Variants in CNTN5 observed in about 807,000 individuals in gnomAD.
CNTN5 encodes contactin 5.
In CNTN5, 77 loss-of-function variants were observed where a neutral mutation model predicts 129.1. That is an observed-to-expected ratio of 0.60 (90% CI 0.50 to 0.72). The LOEUF is 0.72. Ranked by LOEUF, CNTN5 falls within the 30% of genes least tolerant of loss-of-function variation. The probability of loss-of-function intolerance (pLI) is 0.00; values close to 1 mark genes in which losing one functional copy is unlikely to be tolerated. For missense variants in CNTN5, 1,478 were observed against 1,328.8 expected (o/e 1.11, Z -1.75); for synonymous variants, 509 against 465.6 (o/e 1.09, Z -1.20).
At chr11:100,111,918 A>G (rs762735038) in intron 13 of CNTN5, among the ~76,000 whole-genome samples, 1 of 152,158 alleles carries the variant, frequency 6.6e-6, no homozygotes, top group Non-Finnish European at 1.5e-5. Context: ...TGAATTTAGT[A>G]GTTTCTTAAC....
At chr11:99,767,561 A>G (rs1944796073) in intron 3 of CNTN5, among the ~76,000 whole-genome samples, 1 of 151,966 alleles carries the variant, frequency 6.6e-6, no homozygotes, top group Non-Finnish European at 1.5e-5. Flanking sequence ...TTGATATGCA[A>G]ATAAGATTTT....
At chr11:99,878,486 A>G (rs1411428552) in intron 6 of CNTN5, among the ~76,000 whole-genome samples, 1 of 152,220 alleles carries the variant, frequency 6.6e-6, no homozygotes, top group South Asian at 2.1e-4. Context: ...CACATTGTAA[A>G]AAAAACTACA....
chr11:100,163,028 T>C (rs1947508876), intron 13 of CNTN5, among the ~76,000 whole-genome samples: 1 of 151,816 alleles, frequency 6.6e-6, no homozygotes. Context: ...CCTACAGCCT[T>C]AGAAATGTGT....
At chr11:99,535,962 C>T (rs1346021622) in intron 2 of CNTN5, among the ~76,000 whole-genome samples, 1 of 152,056 alleles carries the variant, frequency 6.6e-6, no homozygotes, top group South Asian at 2.1e-4. Flanking sequence ...GAATATTGAT[C>T]GTTGGTGGGT....
intron 3 of CNTN5, among the ~76,000 whole-genome samples, chr11:99,702,155 G>A (rs1375584288): frequency 6.6e-6 from 1 of 151,026 alleles, no homozygotes; most frequent in Admixed American, 6.6e-5. Flanking sequence ...GCAAATGCAG[G>A]TGGAATAAAT....
intron 4 of CNTN5, among the ~76,000 whole-genome samples, chr11:99,822,838 T>C (rs1275568627): frequency 6.6e-6 from 1 of 152,218 alleles, no homozygotes; most frequent in Admixed American, 6.5e-5. Context: ...AGATTATAAA[T>C]AAAGTAATGG....
chr11:99,521,348 T>G (rs1176979275), intron 2 of CNTN5, among the ~76,000 whole-genome samples: 1 of 152,126 alleles, frequency 6.6e-6, no homozygotes, highest in East Asian at 1.9e-4. Context: ...TATCTAGGTG[T>G]AAAATAGAGG....
chr11:100,183,416 G>A (rs1431403885), intron 13 of CNTN5, among the ~76,000 whole-genome samples: 3 of 152,074 alleles, frequency 2.0e-5, no homozygotes, highest in Non-Finnish European at 2.9e-5. Flanking sequence ...ATACTACTCA[G>A]CAATAAAAGG....
chr11:99,235,839 G>A (rs1861232619), intron 1 of CNTN5, among the ~76,000 whole-genome samples: 1 of 152,080 alleles, frequency 6.6e-6, no homozygotes, highest in South Asian at 2.1e-4. Flanking sequence ...AATAAAGTTT[G>A]GATTCCTGTG....
chr11:99,896,901 A>C (rs970786737), intron 6 of CNTN5, among the ~76,000 whole-genome samples: 2 of 152,076 alleles, frequency 1.3e-5, no homozygotes, highest in African/African-American at 4.8e-5. Context: ...AGCCCTGTTA[A>C]AAACATAAAC....
At chr11:99,236,441 G>A (rs946452856) in intron 1 of CNTN5, among the ~76,000 whole-genome samples, 1 of 146,278 alleles carries the variant, frequency 6.8e-6, no homozygotes, top group African/African-American at 2.5e-5. Flanking sequence ...ACAAATCTTA[G>A]CAAACATTCT....
chr11:99,628,029 G>C (rs7120757), intron 3 of CNTN5, among the ~76,000 whole-genome samples: 21,203 of 150,914 alleles, frequency 0.14, 1,660 homozygotes, highest in South Asian at 0.22. Flanking sequence ...ATGTTTGGTA[G>C]AATGAACCCC....
intron 13 of CNTN5, among the ~76,000 whole-genome samples, chr11:100,092,554 C>A (rs954647912): frequency 1.8e-4 from 28 of 152,154 alleles, no homozygotes; most frequent in Non-Finnish European, 3.2e-4. Flanking sequence ...ACAAGTAAAT[C>A]ATCTTAACTA....
intron 9 of CNTN5, among the ~76,000 whole-genome samples, chr11:100,039,256 A>G (rs373705740): frequency 1.2e-4 from 18 of 152,094 alleles, no homozygotes; most frequent in East Asian, 5.8e-4. Flanking sequence ...ATGAAATTCT[A>G]GGTTGAAAAT....
At chr11:99,135,658 A>G (rs1489244996) in intron 1 of CNTN5, among the ~76,000 whole-genome samples, 1 of 152,102 alleles carries the variant, frequency 6.6e-6, no homozygotes. Flanking sequence ...CCCAACATAC[A>G]ATTTCATGTA....
intron 2 of CNTN5, among the ~76,000 whole-genome samples, chr11:99,357,898 G>T (rs974705107): frequency 1.3e-5 from 2 of 151,062 alleles, no homozygotes; most frequent in Non-Finnish European, 2.9e-5. Flanking sequence ...CAGCTACTCC[G>T]GAGGCCGAGG....
chr11:99,936,368 T>C (rs186327565), intron 7 of CNTN5, among the ~76,000 whole-genome samples: 56 of 152,346 alleles, frequency 3.7e-4, no homozygotes, highest in African/African-American at 1.3e-3. Flanking sequence ...TTCTCTTTCT[T>C]TCCTTCAGAC....
intron 2 of CNTN5, among the ~76,000 whole-genome samples, chr11:99,427,988 C>G (rs920705481): frequency 6.6e-6 from 1 of 151,830 alleles, no homozygotes; most frequent in African/African-American, 2.4e-5. Context: ...TTTTTACAAA[C>G]CTTATTAAGA....
At chr11:100,337,277 T>C in intron 21 of CNTN5, 7 of 1,280,038 alleles carry the variant, frequency 5.5e-6, no homozygotes, top group Non-Finnish European at 8.0e-6. Flanking sequence ...AAGAGCCTGG[T>C]AGCCTTTATA....
Sources: allele counts gnomAD v4.1 joint callset (sites outside exome capture counted in the v4.1 genomes callset), GRCh38; gene constraint gnomAD v4.1.1; transcripts MANE v1.5; gene names NCBI Gene and HGNC (gene_info 2026-07-23, HGNC 2026-07-21).